RFWD3: variants seen among roughly 807,000 people sequenced by gnomAD.
The protein encoded by RFWD3 is ring finger and WD repeat domain 3.
A neutral mutation model predicts 87.7 loss-of-function variants in RFWD3; 65 were observed. The ratio of observed to expected loss-of-function variants is 0.74; its 90% CI spans 0.61 to 0.91. The LOEUF (loss-of-function observed/expected upper bound fraction) is 0.91, where lower values mean the gene tolerates loss of function less well. Ranked by LOEUF, RFWD3 falls within the 40% of genes least tolerant of loss-of-function variation. RFWD3 has a pLI of 0.00. For missense variants in RFWD3, 1,078 were observed against 938.5 expected, an observed-to-expected ratio of 1.15 and a Z score of -1.94; for synonymous variants, 433 against 352.8, an observed-to-expected ratio of 1.23 and a Z score of -2.55.
At position 74,651,903 on chromosome 16, in the gene RFWD3, C is replaced by G. The variant is rs1960596551; in HGVS notation, c.721+17G>C. ...GGATGTTAGCCTTGTGAGTCCAAAC[C>G]TGGGTAAAATACTGACCTTCTAAAA... On this transcript the variant is annotated intron_variant, in intron 3 of 12. Coordinates refer to ENST00000361070, the MANE Select transcript of RFWD3 (RefSeq NM_018124.4). The G allele has an allele frequency of 6.2e-7, 1 of 1,612,386 alleles. No individual in the cohort carries two copies. Among genetic ancestry groups the G allele is most frequent in the African/African-American group, 1.3e-5 (1 of 74,962 alleles).
intron 1 of RFWD3, among the ~76,000 whole-genome samples, chr16:74,663,423 C>T (rs1370681232): frequency 3.9e-5 from 6 of 152,094 alleles, no homozygotes; most frequent in African/African-American, 1.4e-4. Context: ...TCAAGTGCTA[C>T]TGGGGGGAAG....
At chr16:74,648,401 C>T (rs545627495) in intron 4 of RFWD3, among the ~76,000 whole-genome samples, 5 of 151,484 alleles carry the variant, frequency 3.3e-5, no homozygotes, top group African/African-American at 4.8e-5. Flanking sequence ...GTGATCCACC[C>T]GCCTTGGCCT....
At chr16:74,646,187 C>T (rs776440143) in intron 4 of RFWD3, among the ~76,000 whole-genome samples, 1 of 151,386 alleles carries the variant, frequency 6.6e-6, no homozygotes, top group Non-Finnish European at 1.5e-5. Flanking sequence ...CCAGACTGGA[C>T]AACATAGCAA....
chr16:74,650,675 TA>T (rs1960491859), intron 3 of RFWD3, among the ~76,000 whole-genome samples: 1 of 152,032 alleles, frequency 6.6e-6, no homozygotes, highest in Non-Finnish European at 1.5e-5. Flanking sequence ...ATTTTTCTAT[TA>T]AAAAAACCTT....
At chr16:74,649,290 C>G (rs1379226808) in intron 3 of RFWD3, 88 bp from the exon 4 acceptor site, 2 of 845,932 alleles carry the variant, frequency 2.4e-6, no homozygotes, top group Non-Finnish European at 3.7e-6. Context: ...GAGAGCCTGA[C>G]TCACTACAGC....
chr16:74,623,112 A>C lies in RFWD3; in HGVS notation c.*816T>G, dbSNP rs1245389216. 1 of 152,320 alleles carries C rather than the reference A, an allele frequency of 6.6e-6. No individual in the cohort carries two copies. The highest frequency in any genetic ancestry group is 1.9e-4 in the East Asian group (1 of 5,204). 9.4% of individuals were successfully genotyped at this position (152,320 alleles called of 1,614,324 possible). On this transcript the variant is annotated 3_prime_UTR_variant, in exon 13 of 13. Transcript: ENST00000361070. The stretch of plus-strand genomic sequence containing the variant: ...AAGAGATAGTGTTCTTCAAAGCACT[A>C]GCTTGGATAAAACCAATCCTGAGAT...
intron 2 of RFWD3, among the ~76,000 whole-genome samples, chr16:74,657,326 C>A (rs1025487463): frequency 6.6e-6 from 1 of 152,038 alleles, no homozygotes; most frequent in Non-Finnish European, 1.5e-5. Flanking sequence ...AATAATCACT[C>A]CCTGGATTGC....
At position 74,623,839 on chromosome 16, in the gene RFWD3, G is replaced by A; in HGVS notation, c.*89C>T. 1 of 1,400,132 alleles carries A rather than the reference G, an allele frequency of 7.1e-7. No homozygotes were observed. Among genetic ancestry groups the A allele is most frequent in the Non-Finnish European group, 1.0e-6 (1 of 1,003,718 alleles). 86.7% of individuals were successfully genotyped at this position (1,400,132 alleles called of 1,614,324 possible). A position where few individuals can be genotyped will look rare whatever the true frequency, so the allele number is the denominator to read the frequency against. On this transcript the variant is annotated 3_prime_UTR_variant, in exon 13 of 13. Coordinates refer to ENST00000361070, the MANE Select transcript of RFWD3 (RefSeq NM_018124.4). ...ATGATTCCCAATGTTCTAGACTGCA[G>A]ACAATAAACAGGGATCTTGCTTGGG... is the stretch of plus-strand genomic sequence containing the variant.
intron 4 of RFWD3, among the ~76,000 whole-genome samples, chr16:74,648,445 G>A (rs1202822898): frequency 1.3e-5 from 2 of 149,490 alleles, no homozygotes; most frequent in East Asian, 2.1e-4. Context: ...GTAAGCCACC[G>A]TGCCCAGCCA....
chr16:74,655,470 A>T (rs1379762724), intron 2 of RFWD3, among the ~76,000 whole-genome samples: 1 of 147,600 alleles, frequency 6.8e-6, no homozygotes. Flanking sequence ...GATGGTCTCG[A>T]TCTCCTGACC....
intron 6 of RFWD3, among the ~76,000 whole-genome samples, chr16:74,642,313 G>A (rs999519298): frequency 3.3e-5 from 5 of 151,886 alleles, no homozygotes; most frequent in African/African-American, 9.7e-5. Flanking sequence ...TAGTAAAGAT[G>A]GGGTTTTGCC....
intron 4 of RFWD3, among the ~76,000 whole-genome samples, chr16:74,646,540 C>A (rs1235013657): frequency 6.6e-6 from 1 of 152,166 alleles, no homozygotes; most frequent in Non-Finnish European, 1.5e-5. Context: ...GTAATCCTAG[C>A]ACTTTGGGAG....
chr16:74,636,465 T>C lies in RFWD3; in HGVS notation c.1307A>G (p.Tyr436Cys). Reference protein sequence around the residue: ...PSSQGQHKHKYHFQKTFTVSQ... With the variant: ...PSSQGQHKHKCHFQKTFTVSQ... ...TACTGTGAAGGTCTTTTGGAAGTGG[T>C]ACTTGTGCTTGTGCTGGCCCTGGCT... is the stretch of plus-strand genomic sequence containing the variant. The change falls in exon 8 of 13, where the codon TAC becomes TGC. Residue 436 changes from tyrosine to cysteine, a missense_variant. Transcript: ENST00000361070. The C allele has an allele frequency of 3.7e-6, 6 of 1,614,130 alleles. No homozygotes were observed. Among genetic ancestry groups the C allele is most frequent in the Non-Finnish European group, 5.1e-6 (6 of 1,180,040 alleles).
At position 74,631,004 on chromosome 16, in the gene RFWD3, T is replaced by C. The variant is rs780735281; in HGVS notation, c.1578-47A>G. ...TTACAACTGCATTAAGAAAATCAAA[T>C]ACATGACAAAGATGTAAAGATTATC... On this transcript the variant is annotated intron_variant, in intron 9 of 12. Coordinates refer to ENST00000361070, the MANE Select transcript of RFWD3 (RefSeq NM_018124.4). 3.4e-6 allele frequency: 5 copies of C among 1,490,206 alleles called. No homozygotes were observed. In the African/African-American group the frequency reaches 5.6e-5, roughly 17 times the overall value. The allele number at this position is 1,490,206 out of a possible 1,614,324, so 92.3% of individuals were successfully genotyped here.
chr16:74,640,550 A>G (rs377106282), intron 6 of RFWD3, among the ~76,000 whole-genome samples: 5 of 152,072 alleles, frequency 3.3e-5, no homozygotes, highest in Admixed American at 2.6e-4. Context: ...ACTCCCAGCT[A>G]CTCAGGATGC....
chr16:74,628,340 G>T, intron 11 of RFWD3, 112 bp downstream of exon 11: 3 of 957,966 alleles, frequency 3.1e-6, no homozygotes, highest in Non-Finnish European at 4.8e-6. Flanking sequence ...AACACACCTC[G>T]TTAGCCTGTG....
chr16:74,643,256 C>T (rs1478162846), intron 6 of RFWD3, among the ~76,000 whole-genome samples: 1 of 152,100 alleles, frequency 6.6e-6, no homozygotes, highest in African/African-American at 2.4e-5. Context: ...GCTGGGATTA[C>T]AAGAGTGAGC....
In RFWD3 at chr16:74,622,121, A is replaced by G. The variant is rs1273446439; in HGVS notation, c.*1807T>C. ...TCAAATCCTAAGCCTGCCCAGGCCC[A>G]AAGACAAAGCCAGCCAGGACCTGAC... On this transcript the variant is annotated 3_prime_UTR_variant, in exon 13 of 13. Coordinates refer to ENST00000361070, the MANE Select transcript of RFWD3 (RefSeq NM_018124.4). 4 of 152,160 alleles carry G rather than the reference A, an allele frequency of 2.6e-5. No individual in the cohort carries two copies. The highest frequency in any genetic ancestry group is 4.8e-5 in the African/African-American group (2 of 41,452). 9.4% of individuals were successfully genotyped at this position (152,160 alleles called of 1,614,324 possible).
At position 74,630,893 on chromosome 16, in the gene RFWD3, A is replaced by T; in HGVS notation, c.1642T>A (p.Cys548Ser). Residue 548 changes from cysteine (C) to serine (S), a missense_variant, in exon 10 of 13, where the codon TGT becomes AGT. Coordinates refer to ENST00000361070, the MANE Select transcript of RFWD3 (RefSeq NM_018124.4). The part of the protein sequence containing the change: ...AGRPVWSCCW[C>S]LDEANYIYAG... ...TAGATGTAGTTAGCCTCATCAAGAC[A>T]CCAGCAACAGCTCCAGACAGGACGT... The T allele has an allele frequency of 6.2e-7, 1 of 1,614,064 alleles. No individual in the cohort carries two copies. The highest frequency in any genetic ancestry group is 8.5e-7 in the Non-Finnish European group (1 of 1,179,954).
Sources: allele counts gnomAD v4.1 joint callset (sites outside exome capture counted in the v4.1 genomes callset), GRCh38; gene constraint gnomAD v4.1.1; transcripts MANE v1.5; gene names NCBI Gene and HGNC (gene_info 2026-07-23, HGNC 2026-07-21).